The following ARHGAP44 variants were observed in gnomAD, a reference collection of about 807,000 sequenced individuals.
The protein encoded by ARHGAP44 is Rho GTPase activating protein 44.
Under a neutral mutation model 106.8 loss-of-function variants are expected in ARHGAP44, and 43 were observed. That is an observed-to-expected ratio of 0.40 (90% CI 0.32 to 0.52). ARHGAP44 has a LOEUF of 0.52. ARHGAP44 is among the 20% of genes least tolerant of loss of function. ARHGAP44 has a pLI of 0.48. For synonymous variants in ARHGAP44, 439 were observed against 410.3 expected (o/e 1.07, Z -0.85); for missense variants, 866 against 1,050.5 (o/e 0.82, Z 2.43).
chr17:12,861,699 A>G (rs1473726096), intron 1 of ARHGAP44, among the ~76,000 whole-genome samples: 6 of 116,100 alleles, frequency 5.2e-5, no homozygotes, highest in African/African-American at 1.8e-4. Context: ...CAGTGGCGCA[A>G]TCTCGGCTCA....
At chr17:12,896,629 A>C (rs182916866) in intron 3 of ARHGAP44, 118 bp downstream of exon 3, 1 of 843,398 alleles carries the variant, frequency 1.2e-6, no homozygotes, top group Non-Finnish European at 1.9e-6. Context: ...CTGAGAATTG[A>C]CTCAGCAGCT....
chr17:12,970,380 A>AG (rs1235960147), intron 16 of ARHGAP44, among the ~76,000 whole-genome samples: 11,845 of 148,736 alleles, frequency 0.08, 1,556 homozygotes, highest in African/African-American at 0.26. Context: ...AAAAAAAAAA[A>AG]AAAAAAAAGA....
intron 1 of ARHGAP44, among the ~76,000 whole-genome samples, chr17:12,826,064 G>GT (rs35761907): frequency 2.6e-5 from 4 of 152,080 alleles, no homozygotes; most frequent in African/African-American, 9.7e-5. Context: ...ACAAGTTTGG[G>GT]TTTTTTTAAA....
chr17:12,973,553 T>A (rs1277784243), intron 17 of ARHGAP44: 1 of 566,384 alleles, frequency 1.8e-6, no homozygotes, highest in Admixed American at 3.3e-5. Flanking sequence ...AGGTGTGCCT[T>A]GGCCAGGGTC....
At chr17:12,866,911 A>T (rs2036252846) in intron 1 of ARHGAP44, among the ~76,000 whole-genome samples, 1 of 152,096 alleles carries the variant, frequency 6.6e-6, no homozygotes, top group South Asian at 2.1e-4. Context: ...TTTACTTCTC[A>T]GGAGTTTCTG....
intron 7 of ARHGAP44, among the ~76,000 whole-genome samples, chr17:12,936,541 G>A (rs948129910): frequency 6.6e-6 from 1 of 151,974 alleles, no homozygotes; most frequent in South Asian, 2.1e-4. Context: ...TTTCTTTTTA[G>A]CCCTGAATAA....
intron 7 of ARHGAP44, among the ~76,000 whole-genome samples, chr17:12,939,813 C>T (rs935675819): frequency 2.6e-5 from 4 of 152,154 alleles, no homozygotes; most frequent in African/African-American, 7.2e-5. Flanking sequence ...TGAAACTGGA[C>T]CAAGCATAAC....
Position 12,984,612 on chromosome 17 carries a change from C to T in ARHGAP44, c.2021C>T (p.Pro674Leu), listed in dbSNP as rs767849805. The T allele has an allele frequency of 1.9e-5, 30 of 1,609,812 alleles. No individual in the cohort carries two copies. The highest frequency in any genetic ancestry group is 2.2e-5 in the South Asian group (2 of 90,622). ...ATGGCAGACCAGTCCGCTGGCCAGC[C>T]GTCCCCAGTCAGCCTGTCCCCCACC... ...GAMADQSAGQPSPVSLSPTPP... is the reference protein window; with the variant it reads ...GAMADQSAGQLSPVSLSPTPP... The change falls in exon 20 of 21, where the codon CCG becomes CTG. Residue 674 changes from proline (P) to leucine (L), a missense_variant. Pro to Leu is a moderately conservative substitution (Grantham distance 98, BLOSUM62 -3). Around this residue, in one of 2 missense-constraint regions of ARHGAP44, gnomAD observed 418 missense variants for 403.6 expected, o/e 1.04. Coordinates refer to ENST00000379672, the MANE Select transcript of ARHGAP44 (RefSeq NM_014859.6).
intron 1 of ARHGAP44, among the ~76,000 whole-genome samples, chr17:12,826,808 C>G (rs2034932697): frequency 6.6e-6 from 1 of 152,162 alleles, no homozygotes; most frequent in Non-Finnish European, 1.5e-5. Flanking sequence ...TTACAACAAG[C>G]CTTTATGGGC....
rs144401658 is a variant in ARHGAP44, at chr17:12,916,201, T to G, written c.387+190T>G. On this transcript the variant is annotated intron_variant, in intron 5 of 20. Coordinates refer to ENST00000379672, the MANE Select transcript of ARHGAP44 (RefSeq NM_014859.6). ...ATGTCCTTTTAGCATTTGCTACCCC[T>G]TCTCCTACCCATTCTCTTCCCTGCA... Among the ~76,000 whole-genome samples the G allele has an allele frequency of 9.1e-3, 1,387 of 152,258 alleles. 8 individuals are homozygous for G. Among genetic ancestry groups the G allele is most frequent in the Middle Eastern group, 0.024 (7 of 294 alleles).
rs188411646 is a variant in ARHGAP44 at position 12,916,420 on chromosome 17, G to C, written c.387+409G>C. On this transcript the variant is annotated intron_variant, in intron 5 of 20. Coordinates refer to ENST00000379672, the MANE Select transcript of ARHGAP44 (RefSeq NM_014859.6). ...TTTTTTTGAGATGGAGTCTTGCTCT[G>C]TCACCCAGGCTGGAGTGCAGTGGTA... is the stretch of plus-strand genomic sequence containing the variant. Among the ~76,000 whole-genome samples, 180 of 151,948 alleles carry C rather than the reference G, an allele frequency of 1.2e-3. 2 individuals are homozygous for C. Among genetic ancestry groups the C allele is most frequent in the African/African-American group, 3.0e-3 (126 of 41,460 alleles).
intron 19 of ARHGAP44, among the ~76,000 whole-genome samples, chr17:12,981,234 A>G (rs1328630116): frequency 6.6e-6 from 1 of 152,154 alleles, no homozygotes; most frequent in Non-Finnish European, 1.5e-5. Flanking sequence ...ACCTGGGAGC[A>G]TGCTTTCTCG....
chr17:12,964,347 C>T (rs956329037), intron 16 of ARHGAP44, among the ~76,000 whole-genome samples: 1 of 152,164 alleles, frequency 6.6e-6, no homozygotes, highest in African/African-American at 2.4e-5. Flanking sequence ...GCTGGTTGGT[C>T]AGGGAGCACC....
At chr17:12,877,707 G>A (rs1266036045) in intron 1 of ARHGAP44, among the ~76,000 whole-genome samples, 18 of 151,344 alleles carry the variant, frequency 1.2e-4, no homozygotes, top group African/African-American at 4.1e-4. Flanking sequence ...CCGAGATCGC[G>A]CCACTGCACC....
intron 4 of ARHGAP44, among the ~76,000 whole-genome samples, chr17:12,913,893 C>T (rs1210004876): frequency 3.0e-5 from 4 of 134,962 alleles, no homozygotes; most frequent in African/African-American, 5.3e-5. Flanking sequence ...TGCTTGCACC[C>T]GGGAGGTGGA....
Position 12,989,093 on chromosome 17 carries a change from AC to A in ARHGAP44, c.2318-931del, listed in dbSNP as rs1555569140. ...GTCTGTGTGACAAGAGCGAAACTCC[AC>A]CCCCCCCAAAAAAAAAAAAAAAAAA... On this transcript the variant is annotated intron_variant, in intron 20 of 20. Transcript: ENST00000379672. Among the ~76,000 whole-genome samples the A allele has an allele frequency of 3.5e-3, 181 of 52,094 alleles. 9 individuals carry two copies. Among genetic ancestry groups the A allele is most frequent in the South Asian group, 5.0e-3 (6 of 1,192 alleles). The allele number at this position is 52,094 out of a possible 152,430, so 34.2% of individuals were successfully genotyped here.
chr17:12,843,125 C>T (rs1445655220), intron 1 of ARHGAP44, among the ~76,000 whole-genome samples: 2 of 151,726 alleles, frequency 1.3e-5, no homozygotes, highest in East Asian at 3.9e-4. Context: ...GTGCCTGTGA[C>T]AGAGAACATC....
At chr17:12,902,320 T>C (rs1424589006) in intron 3 of ARHGAP44, among the ~76,000 whole-genome samples, 1 of 152,192 alleles carries the variant, frequency 6.6e-6, no homozygotes, top group Non-Finnish European at 1.5e-5. Context: ...TTACCCAGCA[T>C]TTCAAGCCAG....
intron 1 of ARHGAP44, among the ~76,000 whole-genome samples, chr17:12,890,111 G>C (rs74917841): frequency 0.025 from 3,868 of 152,140 alleles, 165 homozygotes; most frequent in African/African-American, 0.089. Flanking sequence ...GGGCAGCCCT[G>C]TCCCCATGGC....
Sources: gnomAD v4.1 joint callset for allele counts (sites outside exome capture counted in the v4.1 genomes callset) on GRCh38, gnomAD v4.1.1 for gene constraint, gnomAD v4.1.1 regional missense constraint, MANE v1.5 for transcripts, NCBI Gene and HGNC (gene_info 2026-07-23, HGNC 2026-07-21) for gene names.